The following NEBL variants were observed in gnomAD, a reference collection of about 807,000 sequenced individuals.
NEBL encodes the protein nebulette, also known as LIM and SH3 protein 2.
A neutral mutation model predicts 140.2 loss-of-function variants in NEBL; 122 were observed. That is an observed-to-expected ratio of 0.87 (90% CI 0.75 to 1.01). The LOEUF (loss-of-function observed/expected upper bound fraction) is 1.01, where lower values mean the gene tolerates loss of function less well. Ranked by LOEUF, NEBL falls within the 50% of genes least tolerant of loss-of-function variation. NEBL has a pLI of 0.00. For missense variants in NEBL, 1,365 were observed against 1,231.3 expected, an observed-to-expected ratio of 1.11 and a Z score of -1.62; for synonymous variants, 436 against 398.9, an observed-to-expected ratio of 1.09 and a Z score of -1.11.
In NEBL at chr10:21,289,203, C is replaced by G. The variant is rs921028602; in HGVS notation, n.182+3627G>C. Among the ~76,000 whole-genome samples the G allele has an allele frequency of 5.3e-5, 8 of 151,676 alleles. No individual in the cohort carries two copies. The South Asian group carries it at 1.0e-3, about 20-fold the overall frequency. Reference sequence around the variant, plus strand: ...GGACTTAAGCCCGGTTGTTCCCAAACTGGAAAGAATGAGCAGGAACATAAT... The same window carrying G: ...GGACTTAAGCCCGGTTGTTCCCAAAGTGGAAAGAATGAGCAGGAACATAAT... On this transcript the variant is annotated intron_variant and non_coding_transcript_variant, in intron 1 of 8. Transcript: ENST00000675702.
rs530737908 is a variant in NEBL at position 21,291,630 on chromosome 10, C to T, written n.182+1200G>A. ...TGATGGCAATTATGAAAAATAAAAA[C>T]CAGACCAGGCGCAGTGGCTCACACC... On this transcript the variant is annotated intron_variant and non_coding_transcript_variant, in intron 1 of 8. Transcript: ENST00000675702. Among the ~76,000 whole-genome samples the T allele has an allele frequency of 5.3e-5, 8 of 150,218 alleles. No individual in the cohort carries two copies. In the South Asian group the frequency reaches 1.7e-3, roughly 32 times the overall value.
chr10:21,103,429 G>T (rs1455855622), intron 2 of NEBL, among the ~76,000 whole-genome samples: 1 of 152,050 alleles, frequency 6.6e-6, no homozygotes, highest in African/African-American at 2.4e-5. Flanking sequence ...TAGCCAGTAT[G>T]GTCTCCATCT....
chr10:21,010,825 A>C (rs552065855), intron 3 of NEBL, among the ~76,000 whole-genome samples: 8 of 152,338 alleles, frequency 5.3e-5, no homozygotes, highest in Non-Finnish European at 1.2e-4. Flanking sequence ...AATGAACAGC[A>C]TGACTGTAGC....
At chr10:21,171,334 TCAA>T (rs1407180442) in intron 2 of NEBL, among the ~76,000 whole-genome samples, 4 of 88,340 alleles carry the variant, frequency 4.5e-5, no homozygotes, top group African/African-American at 2.1e-4. Flanking sequence ...AACTTCTGTC[TCAA>T]AAAAAAAAAA....
chr10:20,910,166 G>A (rs1848270707), intron 4 of NEBL, among the ~76,000 whole-genome samples: 1 of 152,148 alleles, frequency 6.6e-6, no homozygotes, highest in African/African-American at 2.4e-5. Context: ...GAAATGAGTT[G>A]AGGACATACT....
intron 26 of NEBL, among the ~76,000 whole-genome samples, chr10:20,794,978 C>T (rs1172721685): frequency 1.3e-5 from 2 of 152,120 alleles, no homozygotes; most frequent in Non-Finnish European, 2.9e-5. Flanking sequence ...GGTCAAATAT[C>T]AGAAATGAGG....
intron 3 of NEBL, among the ~76,000 whole-genome samples, chr10:21,183,075 T>C (rs1315826741): frequency 6.6e-6 from 1 of 152,120 alleles, no homozygotes; most frequent in Non-Finnish European, 1.5e-5. Flanking sequence ...CTGCTTACTC[T>C]GAAGGGTTCC....
At chr10:21,050,486 A>G (rs1045524204) in intron 2 of NEBL, among the ~76,000 whole-genome samples, 8 of 152,198 alleles carry the variant, frequency 5.3e-5, no homozygotes, top group African/African-American at 1.9e-4. Context: ...TCTCCACATT[A>G]GAGAAGAGAG....
Position 21,196,592 on chromosome 10 carries a change from G to T in NEBL, n.349-24115C>A, listed in dbSNP as rs188276271. 2.6e-5 allele frequency among the ~76,000 whole-genome samples: 4 copies of T among 152,034 alleles called. No homozygotes were observed. In the East Asian group the frequency reaches 5.8e-4, roughly 22 times the overall value. On this transcript the variant is annotated intron_variant and non_coding_transcript_variant, in intron 3 of 8. Transcript: ENST00000675702. Reference sequence around the variant, plus strand: ...ACTCCTGACCTCCAGTGATCCGCCCGCCTCAGTCTCCCAAAGTGCTGGGAT... The same window carrying T: ...ACTCCTGACCTCCAGTGATCCGCCCTCCTCAGTCTCCCAAAGTGCTGGGAT...
intron 2 of NEBL, among the ~76,000 whole-genome samples, chr10:21,124,299 A>C (rs956219006): frequency 1.3e-4 from 20 of 152,226 alleles, no homozygotes; most frequent in South Asian, 2.1e-4. Flanking sequence ...TCACTAACAA[A>C]GATTAGGGAA....
chr10:20,912,239 TC>T (rs993372138), intron 4 of NEBL, among the ~76,000 whole-genome samples: 4 of 152,210 alleles, frequency 2.6e-5, no homozygotes, highest in African/African-American at 4.8e-5. Flanking sequence ...AGAGGAATGC[TC>T]ACAGACGTGG....
intron 2 of NEBL, among the ~76,000 whole-genome samples, chr10:21,136,488 C>T (rs1839362705): frequency 6.6e-6 from 1 of 152,100 alleles, no homozygotes; most frequent in Admixed American, 6.6e-5. Flanking sequence ...GCCACCATGC[C>T]CAGCCCTTTT....
intron 7 of NEBL, among the ~76,000 whole-genome samples, chr10:20,862,972 A>C (rs1219374673): frequency 6.6e-6 from 1 of 152,184 alleles, no homozygotes; most frequent in Non-Finnish European, 1.5e-5. Flanking sequence ...AGTGCATAAT[A>C]ATCACATCAG....
chr10:20,855,172 T>C (rs1588825350), intron 9 of NEBL, among the ~76,000 whole-genome samples: 1 of 148,808 alleles, frequency 6.7e-6, no homozygotes, highest in Middle Eastern at 3.4e-3. Flanking sequence ...GAGGTTGCAG[T>C]GAGCTGAGAT....
chr10:20,979,410 C>A lies in NEBL; in HGVS notation c.250-17631G>T, dbSNP rs113407871. 3.8e-3 allele frequency among the ~76,000 whole-genome samples: 579 copies of A among 152,114 alleles called. 3 individuals are homozygous for A. The highest frequency in any genetic ancestry group is 0.013 in the African/African-American group (557 of 41,514). On this transcript the variant is annotated intron_variant, in intron 3 of 6. Transcript: ENST00000417816. Reference sequence around the variant, plus strand: ...CTTTGAGAGCATGAAAGAGAAGATGCAAAAGGTGGTCAAGAGAGCCCAGGT... The same window carrying A: ...CTTTGAGAGCATGAAAGAGAAGATGAAAAAGGTGGTCAAGAGAGCCCAGGT...
At chr10:20,882,091 T>C (rs1381473243) in intron 4 of NEBL, among the ~76,000 whole-genome samples, 3 of 152,026 alleles carry the variant, frequency 2.0e-5, no homozygotes, top group Non-Finnish European at 4.4e-5. Flanking sequence ...GGCAGGAGGA[T>C]TGCCTGATCC....
chr10:21,290,823 A>G (rs1454316177), intron 1 of NEBL, among the ~76,000 whole-genome samples: 2 of 152,134 alleles, frequency 1.3e-5, no homozygotes, highest in Non-Finnish European at 1.5e-5. Flanking sequence ...CCTCTCCCCT[A>G]TGAAGAGTAT....
At chr10:20,886,975 C>T (rs1224638932) in intron 4 of NEBL, among the ~76,000 whole-genome samples, 1 of 152,160 alleles carries the variant, frequency 6.6e-6, no homozygotes, top group Non-Finnish European at 1.5e-5. Context: ...GAGCACAAGA[C>T]CAGAGCAAGG....
chr10:21,145,600 A>G (rs1839854610), intron 2 of NEBL, among the ~76,000 whole-genome samples: 2 of 152,196 alleles, frequency 1.3e-5, no homozygotes, highest in Non-Finnish European at 2.9e-5. Context: ...TGCCAACCCT[A>G]CAATATGAGC....
Sources: allele counts gnomAD v4.1 joint callset (sites outside exome capture counted in the v4.1 genomes callset), GRCh38; gene constraint gnomAD v4.1.1; transcripts MANE v1.5; gene names NCBI Gene and HGNC (gene_info 2026-07-23, HGNC 2026-07-21).